The following WASF3 variants were observed in gnomAD, a reference collection of about 807,000 sequenced individuals.
WASF3 encodes the protein actin-binding protein WASF3.
A neutral mutation model predicts 46.6 loss-of-function variants in WASF3; 11 were observed. The ratio of observed to expected loss-of-function variants is 0.24; its 90% CI spans 0.15 to 0.39. The LOEUF (loss-of-function observed/expected upper bound fraction) is 0.39, where lower values mean the gene tolerates loss of function less well. Among genes scored for constraint, WASF3 ranks in the 10% least tolerant of loss-of-function variants. The probability of loss-of-function intolerance (pLI) is 1.00; values close to 1 mark genes in which losing one functional copy is unlikely to be tolerated. For missense variants in WASF3, 576 were observed against 669.8 expected, an observed-to-expected ratio of 0.86 and a Z score of 1.55; for synonymous variants, 242 against 259.7, an observed-to-expected ratio of 0.93 and a Z score of 0.65.
At chr13:26,569,081 T>G (rs897172687) in intron 1 of WASF3, among the ~76,000 whole-genome samples, 3 of 152,206 alleles carry the variant, frequency 2.0e-5, no homozygotes, top group Non-Finnish European at 2.9e-5. Context: ...CCTTTCTGTT[T>G]TCTATAATGG....
chr13:26,654,771 A>G (rs1350760840), intron 3 of WASF3, among the ~76,000 whole-genome samples: 1 of 152,204 alleles, frequency 6.6e-6, no homozygotes, highest in East Asian at 1.9e-4. Flanking sequence ...GGACGGTAGC[A>G]GTAGAGTCTT....
chr13:26,675,132 C>G (rs945478511), intron 6 of WASF3, among the ~76,000 whole-genome samples: 5 of 152,096 alleles, frequency 3.3e-5, no homozygotes, highest in African/African-American at 4.8e-5. Flanking sequence ...CCTATCTTCC[C>G]TCTTTTAATT....
At chr13:26,600,502 T>A (rs1176621483) in intron 1 of WASF3, among the ~76,000 whole-genome samples, 2 of 152,228 alleles carry the variant, frequency 1.3e-5, no homozygotes, top group East Asian at 3.9e-4. Context: ...ACATTGCTTC[T>A]CATTTTTTCC....
At chr13:26,547,453 G>C in the WASF3 span, among the ~76,000 whole-genome samples, 5 of 151,136 alleles carry the variant, frequency 3.3e-5, no homozygotes, top group African/African-American at 7.3e-5. Flanking sequence ...TTTTCCTGGG[G>C]CTATCTATCC....
At chr13:26,549,043 G>A in the WASF3 span, among the ~76,000 whole-genome samples, 7 of 149,920 alleles carry the variant, frequency 4.7e-5, no homozygotes, top group Non-Finnish European at 8.9e-5. Flanking sequence ...GTGCTGTGGC[G>A]TGATCTCGGC....
intron 5 of WASF3, among the ~76,000 whole-genome samples, chr13:26,669,570 A>G (rs542174422): frequency 1.8e-4 from 27 of 150,406 alleles, no homozygotes; most frequent in African/African-American, 6.4e-4. Flanking sequence ...CAGGAGTGCA[A>G]TGGCGCAGTC....
chr13:26,548,989 G>GTT, the WASF3 span, among the ~76,000 whole-genome samples: 1,378 of 143,688 alleles, frequency 9.6e-3, 11 homozygotes, highest in African/African-American at 0.03. Flanking sequence ...TTCTTTCTTT[G>GTT]TTTTTTTTTT....
chr13:26,590,647 T>C (rs1458826542), intron 1 of WASF3, among the ~76,000 whole-genome samples: 2 of 152,216 alleles, frequency 1.3e-5, no homozygotes, highest in Admixed American at 6.5e-5. Flanking sequence ...AAAAGTCTGC[T>C]AAGCTAATAT....
chr13:26,581,873 T>C (rs928098272), intron 1 of WASF3, among the ~76,000 whole-genome samples: 1 of 152,224 alleles, frequency 6.6e-6, no homozygotes, highest in Non-Finnish European at 1.5e-5. Context: ...TGTTACCAGG[T>C]ATGGACTTAA....
chr13:26,577,078 C>T (rs1042203907), intron 1 of WASF3: 87 of 768,604 alleles, frequency 1.1e-4, no homozygotes, highest in Non-Finnish European at 1.6e-4. Context: ...CCTCAAGGGT[C>T]ATGTGTTTGA....
intron 2 of WASF3, among the ~76,000 whole-genome samples, chr13:26,626,964 G>A (rs575121276): frequency 1.1e-4 from 17 of 152,254 alleles, no homozygotes; most frequent in African/African-American, 3.9e-4. Context: ...AGTAAAATTC[G>A]CTACCCAGTT....
the WASF3 span, among the ~76,000 whole-genome samples, chr13:26,545,021 T>C: frequency 6.6e-6 from 1 of 152,210 alleles, no homozygotes; most frequent in Non-Finnish European, 1.5e-5. Flanking sequence ...AGAGTCGTGA[T>C]TGTCAGGAAC....
chr13:26,539,795 C>A, the WASF3 span, among the ~76,000 whole-genome samples: 1 of 152,212 alleles, frequency 6.6e-6, no homozygotes, highest in Non-Finnish European at 1.5e-5. Flanking sequence ...GCCCAGCCCC[C>A]ATTCCTGGTC....
upstream of WASF3, among the ~76,000 whole-genome samples, chr13:26,553,989 TTTC>T (rs1378831208): frequency 2.0e-5 from 3 of 151,952 alleles, no homozygotes; most frequent in African/African-American, 4.8e-5. Context: ...AACTTTTTCT[TTTC>T]TTTTCTTTTC....
At chr13:26,540,856 G>T in the WASF3 span, among the ~76,000 whole-genome samples, 2 of 152,142 alleles carry the variant, frequency 1.3e-5, no homozygotes, top group Non-Finnish European at 1.5e-5. Flanking sequence ...TATAGATAAA[G>T]GTTGGTTGAC....
rs149764710 is a variant in WASF3, at chr13:26,570,659, A to G, written c.-109+12840A>G. ...GTTATAGCTGTATAGTGCTGTTCAC[A>G]TAGTGTGAATATGATGCAGTTTCGT... On this transcript the variant is annotated intron_variant, in intron 1 of 9. Coordinates refer to ENST00000335327, the MANE Select transcript of WASF3 (RefSeq NM_006646.6). Among the ~76,000 whole-genome samples the G allele has an allele frequency of 4.2e-4, 64 of 152,290 alleles. 1 individual carries two copies. The highest frequency in any genetic ancestry group is 1.4e-3 in the African/African-American group (60 of 41,566).
intron 1 of WASF3, among the ~76,000 whole-genome samples, chr13:26,562,800 A>T (rs1879332644): frequency 7.0e-6 from 1 of 143,548 alleles, no homozygotes; most frequent in Admixed American, 7.0e-5. Context: ...GGAGAGAATG[A>T]CATTAACTGG....
chr13:26,559,793 TTTC>T (rs1165280935), intron 1 of WASF3, among the ~76,000 whole-genome samples: 45 of 48,364 alleles, frequency 9.3e-4, no homozygotes, highest in African/African-American at 1.4e-3. Context: ...TTTTCTTTTC[TTTC>T]TTTCTTTCTT....
chr13:26,675,473 GACACACATAC>G (rs1883036578), intron 6 of WASF3, among the ~76,000 whole-genome samples: 1 of 80,274 alleles, frequency 1.2e-5, no homozygotes, highest in African/African-American at 5.4e-5. Flanking sequence ...TTCCAGACTA[GACACACATAC>G]ACACACACAC....
Sources: allele counts gnomAD v4.1 joint callset (sites outside exome capture counted in the v4.1 genomes callset), GRCh38; gene constraint gnomAD v4.1.1; transcripts MANE v1.5; gene names NCBI Gene and HGNC (gene_info 2026-07-23, HGNC 2026-07-21).